Variants in RBM6 observed in about 807,000 individuals in gnomAD.
RBM6 encodes the protein RNA binding motif protein 6, also known as RNA-binding protein 6.
RBM6 carries 23 observed loss-of-function variants against 140.4 expected under a neutral mutation model. That is an observed-to-expected ratio of 0.16 (90% CI 0.12 to 0.23). The LOEUF (loss-of-function observed/expected upper bound fraction) is 0.23, where lower values mean the gene tolerates loss of function less well. Among genes scored for constraint, RBM6 ranks in the 10% least tolerant of loss-of-function variants. RBM6 has a pLI of 1.00. For synonymous variants in RBM6, 439 were observed against 475.6 expected (o/e 0.92, Z 1.00); for missense variants, 1,139 against 1,386.7 (o/e 0.82, Z 2.84).
intron 1 of RBM6, among the ~76,000 whole-genome samples, chr3:49,943,556 G>A (rs1314175048): frequency 6.6e-6 from 1 of 152,052 alleles, no homozygotes; most frequent in Non-Finnish European, 1.5e-5. Flanking sequence ...TGATCCTCCT[G>A]TCTTGGCCTC....
At chr3:50,057,663 GT>G in intron 8 of RBM6, 64 bp from the exon 9 acceptor site, 2 of 1,416,254 alleles carry the variant, frequency 1.4e-6, no homozygotes, top group Non-Finnish European at 1.9e-6. Context: ...CAGTAGCAGT[GT>G]TTTTTCTTTT....
At chr3:50,040,445 CAAAAAAAA>C (rs1163542465) in intron 6 of RBM6, among the ~76,000 whole-genome samples, 77 of 67,614 alleles carry the variant, frequency 1.1e-3, no homozygotes, top group African/African-American at 3.0e-3. Flanking sequence ...GGCTCCTTCT[CAAAAAAAA>C]AAAAAAAAAA....
At position 50,057,935 on chromosome 3, in the gene RBM6, C is replaced by T; in HGVS notation, c.1901C>T (p.Pro634Leu). ...CTGCCTCCTTCTCGAAGGGAAGGGC[C>T]AACTTTCCGAAGAGACCGAGAGAGG... ...RYLPPSRREG[P>L]TFRRDRERES... Residue 634 changes from proline to leucine, a missense_variant, in exon 9 of 21, where the codon CCA (proline) becomes CTA (leucine). Around this residue, in one of 9 missense-constraint regions of RBM6, gnomAD observed 109 missense variants for 101.9 expected, o/e 1.07. Coordinates refer to ENST00000266022, the MANE Select transcript of RBM6 (RefSeq NM_005777.3). The T allele has an allele frequency of 3.7e-6, 6 of 1,614,076 alleles. No individual in the cohort carries two copies. The highest frequency in any genetic ancestry group is 5.1e-6 in the Non-Finnish European group (6 of 1,180,012).
rs561262187 is a variant in RBM6 at position 50,062,319 on chromosome 3, A to G, written c.2586+211A>G. 7.2e-5 allele frequency among the ~76,000 whole-genome samples: 11 copies of G among 152,258 alleles called. No homozygotes were observed. The East Asian group carries it at 1.5e-3, about 21-fold the overall frequency. Reference sequence around the variant, plus strand: ...GGAGATCGAGACCATCCTGGCCAACATGGTGAAACCCCTGTCTCTACTAAA... The same window carrying G: ...GGAGATCGAGACCATCCTGGCCAACGTGGTGAAACCCCTGTCTCTACTAAA... On this transcript the variant is annotated intron_variant, in intron 15 of 20. Transcript: ENST00000266022.
At chr3:50,005,644 T>TAA (rs1171121520) in intron 6 of RBM6, among the ~76,000 whole-genome samples, 1 of 152,202 alleles carries the variant, frequency 6.6e-6, no homozygotes, top group Non-Finnish European at 1.5e-5. Flanking sequence ...AACACTTTAG[T>TAA]ACTTAAATTG....
chr3:49,961,340 G>A (rs999484867), intron 1 of RBM6, among the ~76,000 whole-genome samples: 3 of 151,910 alleles, frequency 2.0e-5, no homozygotes, highest in Non-Finnish European at 2.9e-5. Context: ...GCCTCCCAAA[G>A]TTCTGGTAAT....
intron 3 of RBM6, among the ~76,000 whole-genome samples, chr3:49,969,111 G>T (rs1486657918): frequency 2.0e-5 from 3 of 151,192 alleles, no homozygotes; most frequent in Admixed American, 6.6e-5. Flanking sequence ...TGCAACCTCC[G>T]CCTCCCAGGG....
At chr3:49,989,499 C>T (rs1037060499) in intron 5 of RBM6, among the ~76,000 whole-genome samples, 6 of 152,004 alleles carry the variant, frequency 3.9e-5, no homozygotes, top group African/African-American at 1.2e-4. Flanking sequence ...CGCTTGAACC[C>T]GGAAGGTGGA....
At chr3:49,940,544 G>C (rs577348587) in intron 1 of RBM6, 2 of 155,462 alleles carry the variant, frequency 1.3e-5, no homozygotes, top group East Asian at 3.9e-4. Flanking sequence ...CCTACTCTTC[G>C]GAGCTGTAAG....
At chr3:49,990,530 ATTG>A (rs761505317) in intron 5 of RBM6, among the ~76,000 whole-genome samples, 19 of 152,204 alleles carry the variant, frequency 1.2e-4, no homozygotes, top group Non-Finnish European at 2.2e-4. Context: ...TTAAAACACT[ATTG>A]TTTGTTATAA....
At chr3:50,021,740 C>CTTTGTTTTTTTTTTTT (rs2087492842) in intron 6 of RBM6, among the ~76,000 whole-genome samples, 1 of 42,732 alleles carries the variant, frequency 2.3e-5, no homozygotes, top group Non-Finnish European at 4.1e-5. Context: ...AATTTAAGTG[C>CTTTGTTTTTTTTTTTT]TTTTTTTTTT....
At chr3:50,063,472 G>T (rs2090013665) in intron 15 of RBM6, among the ~76,000 whole-genome samples, 1 of 151,910 alleles carries the variant, frequency 6.6e-6, no homozygotes, top group South Asian at 2.1e-4. Context: ...CTGTGGTGAT[G>T]CATGCCTGTA....
intron 5 of RBM6, among the ~76,000 whole-genome samples, chr3:49,984,678 A>G (rs1280890463): frequency 1.3e-5 from 2 of 151,972 alleles, no homozygotes; most frequent in Non-Finnish European, 2.9e-5. Context: ...ATCACATCAC[A>G]TCACAACATA....
intron 6 of RBM6, among the ~76,000 whole-genome samples, chr3:50,032,811 C>T (rs766498163): frequency 1.5e-4 from 22 of 151,686 alleles, no homozygotes; most frequent in Non-Finnish European, 3.2e-4. Context: ...CATGGGGAAA[C>T]CCTGTCTCTA....
intron 6 of RBM6, among the ~76,000 whole-genome samples, chr3:50,027,307 CTT>C (rs1559603548): frequency 6.6e-6 from 1 of 152,070 alleles, no homozygotes; most frequent in Non-Finnish European, 1.5e-5. Context: ...GCCCTGAAAG[CTT>C]TTTTTGTTGT....
chr3:50,021,105 T>C (rs1171167930), intron 6 of RBM6, among the ~76,000 whole-genome samples: 2 of 152,176 alleles, frequency 1.3e-5, no homozygotes, highest in African/African-American at 4.8e-5. Flanking sequence ...CTGGAAAAGG[T>C]ATGTTTTATG....
chr3:49,991,710 T>G (rs1390441182), intron 5 of RBM6, among the ~76,000 whole-genome samples: 2 of 152,140 alleles, frequency 1.3e-5, no homozygotes, highest in Non-Finnish European at 2.9e-5. Flanking sequence ...CCCAGTGGGG[T>G]TGCCGTTTAA....
At chr3:50,001,995 C>CTA (rs2086355594) in intron 6 of RBM6, among the ~76,000 whole-genome samples, 1 of 152,160 alleles carries the variant, frequency 6.6e-6, no homozygotes, top group Non-Finnish European at 1.5e-5. Context: ...AGAACACTTA[C>CTA]TATAGTACCT....
rs543639851 is a variant in RBM6, at chr3:50,022,928, A to G, written c.1557+23415A>G. Among the ~76,000 whole-genome samples the G allele has an allele frequency of 7.2e-5, 11 of 152,022 alleles. 1 individual carries two copies. In the East Asian group the frequency reaches 1.7e-3, roughly 24 times the overall value. ...AGCCTGGGCAATGTAGCAAAACCCC[A>G]TCTCTACCAAAAGTACAAAAATTAG... On this transcript the variant is annotated intron_variant, in intron 6 of 20. Transcript: ENST00000266022.
Sources: gnomAD v4.1 joint callset for allele counts (sites outside exome capture counted in the v4.1 genomes callset) on GRCh38, gnomAD v4.1.1 for gene constraint, gnomAD v4.1.1 regional missense constraint, MANE v1.5 for transcripts, NCBI Gene and HGNC (gene_info 2026-07-23, HGNC 2026-07-21) for gene names.